CPA5: variants seen among roughly 807,000 people sequenced by gnomAD.
CPA5 encodes testicular tissue protein Li 32.
CPA5 carries 38 observed loss-of-function variants against 52.2 expected under a neutral mutation model. The observed-to-expected ratio is 0.73, with a 90% CI of 0.56 to 0.95. The LOEUF is 0.95. Ranked by LOEUF, CPA5 falls within the 40% of genes least tolerant of loss-of-function variation. The pLI, the probability that CPA5 is intolerant of heterozygous loss-of-function variation, is 0.00. For synonymous variants in CPA5, 198 were observed against 213.7 expected (o/e 0.93, Z 0.64); for missense variants, 519 against 566.7 (o/e 0.92, Z 0.86).
intron 10 of CPA5, among the ~76,000 whole-genome samples, chr7:130,366,012 G>A (rs189715229): frequency 1.6e-4 from 25 of 152,362 alleles, no homozygotes; most frequent in Admixed American, 1.0e-3. Context: ...GAGAAGGGGC[G>A]CGCTCCCTGG....
intron 5 of CPA5, among the ~76,000 whole-genome samples, chr7:130,353,541 C>T (rs979983373): frequency 6.6e-6 from 1 of 152,178 alleles, no homozygotes; most frequent in Non-Finnish European, 1.5e-5. Context: ...ATCGGTGCCT[C>T]CACAGCCCTC....
chr7:130,358,620 G>C (rs1430087392), intron 5 of CPA5, among the ~76,000 whole-genome samples: 4 of 152,162 alleles, frequency 2.6e-5, no homozygotes, highest in African/African-American at 9.6e-5. Context: ...CGTTAATGAG[G>C]ATGCTTTCTC....
intron 2 of CPA5, 102 bp from the exon 3 acceptor site, chr7:130,346,291 G>A (rs1364904411): frequency 6.4e-6 from 3 of 465,804 alleles, no homozygotes; most frequent in Admixed American, 4.0e-5. Flanking sequence ...CTTCCCAGGA[G>A]AGGATGTGCT....
intron 3 of CPA5, 53 bp downstream of exon 3, chr7:130,346,654 G>A: frequency 6.8e-7 from 1 of 1,471,716 alleles, no homozygotes; most frequent in Admixed American, 1.7e-5. Flanking sequence ...GAGGGGACTG[G>A]GTGTCCCAGC....
chr7:130,367,967 T>C lies in CPA5; in HGVS notation c.1100T>C (p.Phe367Ser), dbSNP rs377568034. The C allele has an allele frequency of 1.2e-6, 2 of 1,614,116 alleles. No homozygotes were observed. Among genetic ancestry groups the C allele is most frequent in the Non-Finnish European group, 1.7e-6 (2 of 1,180,040 alleles). ...LYKVHGIEYI[F>S]GSISTTLYVA... ...AAGGTCCATGGGATCGAGTACATTT[T>C]TGGCAGCATCAGCACCACCCTCTGT... is the stretch of plus-strand genomic sequence containing the variant. The change falls in exon 12 of 13, where the codon TTT becomes TCT. Residue 367 changes from phenylalanine to serine, a missense_variant. Transcript: ENST00000474905.
chr7:130,373,248 A>C (rs1214088474), downstream of CPA5, among the ~76,000 whole-genome samples: 1 of 151,724 alleles, frequency 6.6e-6, no homozygotes, highest in African/African-American at 2.4e-5. Context: ...ATATAATGCT[A>C]AACAGCAGCT....
intron 4 of CPA5, 124 bp from the exon 5 acceptor site, chr7:130,349,851 C>T (rs2117307106): frequency 1.8e-6 from 2 of 1,130,016 alleles, no homozygotes; most frequent in Non-Finnish European, 2.5e-6. Flanking sequence ...CCCCCGTCCC[C>T]ATCTCCTGCG....
At chr7:130,366,799 AG>A (rs1554408521) in intron 10 of CPA5, among the ~76,000 whole-genome samples, 1 of 152,142 alleles carries the variant, frequency 6.6e-6, no homozygotes, top group African/African-American at 2.4e-5. Flanking sequence ...GCTGCTCACT[AG>A]GGGAAGCCAG....
At chr7:130,373,008 G>T (rs1266485279), downstream of CPA5, among the ~76,000 whole-genome samples, 3 of 152,160 alleles carry the variant, frequency 2.0e-5, no homozygotes, top group African/African-American at 7.2e-5. Context: ...TAACAGCTGG[G>T]AGAAGACTAA....
At position 130,367,888 on chromosome 7, in the gene CPA5, G is replaced by A. The variant is rs782603747; in HGVS notation, c.1039-18G>A. 31 of 1,612,144 alleles carry A rather than the reference G, an allele frequency of 1.9e-5. No individual in the cohort carries two copies. Among genetic ancestry groups the A allele is most frequent in the South Asian group, 1.5e-4 (14 of 91,040 alleles). ...CCGGGGAGCCCCTGCCTTTCACCCC[G>A]CCAATGTCATCTTGCAGTACGATCT... On this transcript the variant is annotated intron_variant, in intron 11 of 12. Coordinates refer to ENST00000474905, the MANE Select transcript of CPA5 (RefSeq NM_080385.5).
intron 5 of CPA5, among the ~76,000 whole-genome samples, chr7:130,355,276 C>T (rs144554491): frequency 6.6e-6 from 1 of 152,180 alleles, no homozygotes; most frequent in African/African-American, 2.4e-5. Context: ...TATCACCCTC[C>T]TTATCATTGT....
chr7:130,370,691 C>A (rs1463187524), downstream of CPA5, among the ~76,000 whole-genome samples: 4 of 152,192 alleles, frequency 2.6e-5, no homozygotes, highest in Admixed American at 2.6e-4. Flanking sequence ...ACCACTGTCA[C>A]CATTTGTCCA....
rs529540371 is a variant in CPA5, at chr7:130,364,879, A to G, written c.838+1370A>G. 3.3e-5 allele frequency among the ~76,000 whole-genome samples: 5 copies of G among 152,352 alleles called. No individual in the cohort carries two copies. In the East Asian group the frequency reaches 9.6e-4, roughly 29 times the overall value. On this transcript the variant is annotated intron_variant, in intron 10 of 12. Coordinates refer to ENST00000474905, the MANE Select transcript of CPA5 (RefSeq NM_080385.5). ...ACAGGTCCATGGACCCTGGAAATAC[A>G]GCAATTTGATGGGCAGGACAATTTG...
chr7:130,356,774 T>TTTC (rs1795499661), intron 5 of CPA5, among the ~76,000 whole-genome samples: 1 of 152,204 alleles, frequency 6.6e-6, no homozygotes, highest in Admixed American at 6.5e-5. Flanking sequence ...TAGTCCTTTC[T>TTTC]TTTTCCGATT....
chr7:130,353,361 A>G (rs1584801764), intron 5 of CPA5, among the ~76,000 whole-genome samples: 1 of 151,630 alleles, frequency 6.6e-6, no homozygotes, highest in South Asian at 2.1e-4. Flanking sequence ...ACAACTGGTC[A>G]CTCTCTCCTT....
rs782041086 is a variant in CPA5, at chr7:130,367,980, C to T, written c.1113C>T (p.Ser371=). ...TCGAGTACATTTTTGGCAGCATCAG[C>T]ACCACCCTCTGTGAGTGAGCCTCCC... ...HGIEYIFGSI[S]TTLYVASGIT... The change falls in exon 12 of 13, where the codon AGC becomes AGT. Residue 371 remains serine, a synonymous_variant. Transcript: ENST00000474905. The T allele has an allele frequency of 1.4e-5, 22 of 1,614,162 alleles. No individual in the cohort carries two copies. The East Asian group carries it at 4.7e-4, about 34-fold the overall frequency.
intron 6 of CPA5, among the ~76,000 whole-genome samples, chr7:130,360,764 C>A (rs1162633962): frequency 1.3e-5 from 2 of 152,228 alleles, no homozygotes; most frequent in Non-Finnish European, 2.9e-5. Flanking sequence ...AACAACACTA[C>A]AAAGCCTGTC....
At position 130,368,720 on chromosome 7, in the gene CPA5, T is replaced by A; in HGVS notation, c.*123T>A. On this transcript the variant is annotated 3_prime_UTR_variant, in exon 13 of 13. Transcript: ENST00000474905. The stretch of plus-strand genomic sequence containing the variant: ...CGACCTCTTAGAAAATAAATACAAG[T>A]TTGAACAGGCTTCGCTGCCTCTCGT... The A allele has an allele frequency of 9.7e-7, 1 of 1,030,106 alleles. No homozygotes were observed. The highest frequency in any genetic ancestry group is 1.4e-6 in the Non-Finnish European group (1 of 701,080). The allele number at this position is 1,030,106 out of a possible 1,614,324, so 63.8% of individuals were successfully genotyped here. A position where few individuals can be genotyped will look rare whatever the true frequency, so the allele number is the denominator to read the frequency against.
chr7:130,362,741 T>C, intron 8 of CPA5, 143 bp from the exon 9 acceptor site: 1 of 647,334 alleles, frequency 1.5e-6, no homozygotes, highest in Non-Finnish European at 2.7e-6. Flanking sequence ...TTGTTTAAAA[T>C]CCAAGCCTTT....
Sources: gnomAD v4.1 joint callset for allele counts (sites outside exome capture counted in the v4.1 genomes callset) on GRCh38, gnomAD v4.1.1 for gene constraint, MANE v1.5 for transcripts, NCBI Gene and HGNC (gene_info 2026-07-23, HGNC 2026-07-21) for gene names.